Variants in PRSS48 observed in about 807,000 individuals in gnomAD.
PRSS48 encodes serine protease 48.
PRSS48 carries 21 observed loss-of-function variants against 25.6 expected under a neutral mutation model. That is an observed-to-expected ratio of 0.82 (90% CI 0.58 to 1.18). The LOEUF (loss-of-function observed/expected upper bound fraction) is 1.18, where lower values mean the gene tolerates loss of function less well. PRSS48 is among the 50% of genes most tolerant of loss of function. PRSS48 has a pLI of 0.00. For synonymous variants in PRSS48, 150 were observed against 149.3 expected (o/e 1.00, Z -0.04); for missense variants, 373 against 399.3 (o/e 0.93, Z 0.56).
chr4:151,291,839 C>G (rs1775360301), downstream of PRSS48, among the ~76,000 whole-genome samples: 1 of 152,072 alleles, frequency 6.6e-6, no homozygotes, highest in Non-Finnish European at 1.5e-5. Flanking sequence ...GGATTTTAGT[C>G]TATTATTTCT....
intron 2 of PRSS48, among the ~76,000 whole-genome samples, chr4:151,281,184 T>C (rs1774189273): frequency 6.6e-6 from 1 of 152,190 alleles, no homozygotes; most frequent in Non-Finnish European, 1.5e-5. Flanking sequence ...ATTGATAGAA[T>C]GCCTGACAAG....
chr4:151,282,849 C>T (rs949285261), intron 3 of PRSS48, among the ~76,000 whole-genome samples: 1 of 152,006 alleles, frequency 6.6e-6, no homozygotes, highest in African/African-American at 2.4e-5. Context: ...ATAGTCATAC[C>T]TTTACTCAAT....
intron 3 of PRSS48, among the ~76,000 whole-genome samples, 173 bp from the exon 4 acceptor site, chr4:151,282,944 C>G (rs754631501): frequency 3.5e-4 from 54 of 152,194 alleles, no homozygotes; most frequent in Non-Finnish European, 6.6e-4. Flanking sequence ...TTTAGAATTA[C>G]TGAGTTTTAG....
chr4:151,277,902 G>C (rs764417365), intron 1 of PRSS48, among the ~76,000 whole-genome samples: 1 of 152,048 alleles, frequency 6.6e-6, no homozygotes, highest in Admixed American at 6.5e-5. Context: ...TTAGCCGGGC[G>C]TGGTGGCGGG....
chr4:151,286,690 C>A (rs1774824132), intron 4 of PRSS48, among the ~76,000 whole-genome samples: 1 of 151,298 alleles, frequency 6.6e-6, no homozygotes, highest in Non-Finnish European at 1.5e-5. Context: ...ATAATTAATC[C>A]CAATTCTGGC....
At chr4:151,286,047 TCAGC>T (rs1408011602) in intron 4 of PRSS48, among the ~76,000 whole-genome samples, 2 of 137,432 alleles carry the variant, frequency 1.5e-5, no homozygotes, top group Admixed American at 7.3e-5. Context: ...AAAAAAAAAA[TCAGC>T]CAGGCATGGT....
At position 151,286,988 on chromosome 4, in the gene PRSS48, T is replaced by TAAG. The variant is rs1223508993; in HGVS notation, c.651+3704_651+3705insGAA. Reference sequence around the variant, plus strand: ...GAGTGAGATTCTGTCTCAAAAATAATAATAATAATAATAATAATAATAGTA... The same window carrying TAAG: ...GAGTGAGATTCTGTCTCAAAAATAATAAGAATAATAATAATAATAATAATAGTA... On this transcript the variant is annotated intron_variant, in intron 4 of 4. Transcript: ENST00000455694. 2.9e-4 allele frequency among the ~76,000 whole-genome samples: 36 copies of TAAG among 123,168 alleles called. No individual in the cohort carries two copies. In the South Asian group the frequency reaches 8.2e-3, roughly 28 times the overall value. 80.8% of individuals were successfully genotyped at this position (123,168 alleles called of 152,430 possible).
At chr4:151,282,212 C>G in exon 3 of PRSS48, 1 of 1,613,826 alleles carries the variant, frequency 6.2e-7, no homozygotes, top group South Asian at 1.1e-5. Context: ...CTCAAGGAAA[C>G]GTGTGAAGTA....
chr4:151,283,189 A>G, exon 4 of PRSS48: 2 of 1,613,916 alleles, frequency 1.2e-6, no homozygotes, highest in Non-Finnish European at 1.7e-6. Flanking sequence ...GAACAGCTCT[A>G]CAATCCCATC....
In PRSS48 at chr4:151,282,198, G is replaced by A. The variant is rs1286042388; in HGVS notation, c.266G>A (p.Gly89Asp). 1.2e-6 allele frequency: 2 copies of A among 1,613,794 alleles called. No individual in the cohort carries two copies. Among genetic ancestry groups the A allele is most frequent in the Middle Eastern group, 1.6e-4 (1 of 6,084 alleles). ...GTGTGGCTAGGATCGATTACAGTAGGTGACTCAAGGAAACGTGTGAAGTAC... is the reference window on the plus strand; with the variant it reads ...GTGTGGCTAGGATCGATTACAGTAGATGACTCAAGGAAACGTGTGAAGTAC... Residue 89 changes from glycine to aspartate, a missense_variant, in exon 3 of 5, where the codon GGT becomes GAT. Coordinates refer to ENST00000455694, the Ensembl canonical transcript of PRSS48.
At chr4:151,286,026 T>C (rs569623986) in intron 4 of PRSS48, among the ~76,000 whole-genome samples, 126 of 143,384 alleles carry the variant, frequency 8.8e-4, no homozygotes, top group Non-Finnish European at 1.7e-3. Context: ...TGAGACCCTA[T>C]CTCTAAAAAA....
At chr4:151,279,053 C>A in intron 1 of PRSS48, 1 of 386,840 alleles carries the variant, frequency 2.6e-6, no homozygotes, top group South Asian at 2.2e-5. Flanking sequence ...GTGCTGTTGT[C>A]AGTATCCACC....
chr4:151,287,829 G>A (rs1774960897), intron 4 of PRSS48, among the ~76,000 whole-genome samples: 1 of 152,156 alleles, frequency 6.6e-6, no homozygotes, highest in Non-Finnish European at 1.5e-5. Flanking sequence ...ACAGTGAGCA[G>A]TGTTTGTGCC....
chr4:151,280,174 A>AT (rs1426249937), intron 2 of PRSS48, among the ~76,000 whole-genome samples: 1 of 70,934 alleles, frequency 1.4e-5, no homozygotes, highest in Non-Finnish European at 4.1e-5. Flanking sequence ...GACTTTTCTT[A>AT]TTTTTTGCCA....
intron 1 of PRSS48, among the ~76,000 whole-genome samples, chr4:151,277,779 G>A (rs1376613754): frequency 6.6e-6 from 1 of 152,180 alleles, no homozygotes; most frequent in Non-Finnish European, 1.5e-5. Context: ...AGCAGCTCAC[G>A]CCTGTAATCC....
chr4:151,291,597 T>C, downstream of PRSS48: 1 of 615,092 alleles, frequency 1.6e-6, no homozygotes, highest in Non-Finnish European at 2.8e-6. Flanking sequence ...ACATTCTTTG[T>C]CCTTGACTAA....
chr4:151,291,361 A>T (rs746486111), exon 5 of PRSS48: 1 of 1,613,938 alleles, frequency 6.2e-7, no homozygotes, highest in Non-Finnish European at 8.5e-7. Context: ...TGGACCTAAC[A>T]CTATACACAG....
intron 1 of PRSS48, chr4:151,279,320 G>T (rs1030969628): frequency 3.2e-5 from 6 of 185,288 alleles, no homozygotes; most frequent in Admixed American, 1.8e-4. Flanking sequence ...AAAGCACCAG[G>T]ATTACAGGCA....
At chr4:151,281,122 G>A (rs1234557863) in intron 2 of PRSS48, among the ~76,000 whole-genome samples, 2 of 128,788 alleles carry the variant, frequency 1.6e-5, no homozygotes, top group African/African-American at 5.1e-5. Flanking sequence ...TGATGGCTGT[G>A]CAGCAGCCCA....
Sources: allele counts gnomAD v4.1 joint callset (sites outside exome capture counted in the v4.1 genomes callset), GRCh38; gene constraint gnomAD v4.1.1; transcripts MANE v1.5; gene names NCBI Gene and HGNC (gene_info 2026-07-23, HGNC 2026-07-21).